Variants in TNR observed in about 807,000 individuals in gnomAD.
The protein encoded by TNR is tenascin-R.
A neutral mutation model predicts 150.4 loss-of-function variants in TNR; 45 were observed. The observed-to-expected ratio is 0.30, with a 90% confidence interval of 0.24 to 0.38. The LOEUF (loss-of-function observed/expected upper bound fraction) is 0.38. TNR is among the 10% of genes least tolerant of loss of function. The pLI, the probability that TNR is intolerant of heterozygous loss-of-function variation, is 1.00. For missense variants in TNR, 1,544 were observed against 1,759.1 expected, an observed-to-expected ratio of 0.88 and a Z score of 2.19; for synonymous variants, 687 against 678.4, an observed-to-expected ratio of 1.01 and a Z score of -0.20.
At chr1:175,587,360 T>C (rs555499418) in intron 1 of TNR, among the ~76,000 whole-genome samples, 2 of 152,222 alleles carry the variant, frequency 1.3e-5, no homozygotes, top group Non-Finnish European at 1.5e-5. Flanking sequence ...GCCACTCGCA[T>C]AGCTGAGTAA....
intron 1 of TNR, among the ~76,000 whole-genome samples, chr1:175,633,964 T>C (rs1211120782): frequency 6.6e-6 from 1 of 152,034 alleles, no homozygotes; most frequent in Non-Finnish European, 1.5e-5. Flanking sequence ...TAGACTTCCC[T>C]GACTTTGCTT....
At chr1:175,647,727 C>T (rs1664849590) in intron 1 of TNR, among the ~76,000 whole-genome samples, 1 of 152,194 alleles carries the variant, frequency 6.6e-6, no homozygotes, top group Non-Finnish European at 1.5e-5. Flanking sequence ...GCATTCTTGA[C>T]AGTGGGGCCT....
At chr1:175,558,585 G>A (rs1022426661) in intron 1 of TNR, among the ~76,000 whole-genome samples, 7 of 152,130 alleles carry the variant, frequency 4.6e-5, no homozygotes, top group Non-Finnish European at 1.0e-4. Context: ...TTGTTAGAAT[G>A]TTCCTCCTTA....
chr1:175,444,063 A>C (rs1655917858), intron 2 of TNR, among the ~76,000 whole-genome samples: 3 of 152,180 alleles, frequency 2.0e-5, no homozygotes, highest in Admixed American at 6.5e-5. Flanking sequence ...CATTAAATCT[A>C]GATCTCCTGG....
At chr1:175,544,714 A>T (rs1326046452) in intron 1 of TNR, among the ~76,000 whole-genome samples, 4 of 152,228 alleles carry the variant, frequency 2.6e-5, no homozygotes, top group African/African-American at 9.6e-5. Flanking sequence ...GTTGAACATG[A>T]CAACCTGGTG....
chr1:175,370,589 C>T (rs1652059333), intron 9 of TNR, among the ~76,000 whole-genome samples: 2 of 152,002 alleles, frequency 1.3e-5, no homozygotes, highest in Admixed American at 1.3e-4. Flanking sequence ...CCCCCTGATC[C>T]ATTTGAAGCA....
intron 1 of TNR, among the ~76,000 whole-genome samples, chr1:175,714,466 A>C (rs1667098527): frequency 6.6e-6 from 1 of 152,174 alleles, no homozygotes; most frequent in African/African-American, 2.4e-5. Flanking sequence ...CCCTCACCCC[A>C]GCTGGCACTG....
chr1:175,607,335 G>A (rs1334261954), intron 1 of TNR, among the ~76,000 whole-genome samples: 1 of 152,138 alleles, frequency 6.6e-6, no homozygotes, highest in African/African-American at 2.4e-5. Context: ...TGGAATCCCT[G>A]GCACTACAGT....
At chr1:175,340,490 T>C (rs1455779063) in intron 18 of TNR, among the ~76,000 whole-genome samples, 1 of 152,238 alleles carries the variant, frequency 6.6e-6, no homozygotes, top group Admixed American at 6.5e-5. Context: ...TGCTTCAGCC[T>C]GCAACTCTAG....
At chr1:175,419,318 C>T (rs144892009) in intron 2 of TNR, among the ~76,000 whole-genome samples, 22 of 152,140 alleles carry the variant, frequency 1.4e-4, no homozygotes, top group African/African-American at 5.3e-4. Flanking sequence ...AAGAATTGAC[C>T]ATTTAGCTAC....
rs555643917 is a variant in TNR at position 175,364,229 on chromosome 1, T to C, written c.2588-402A>G. Among the ~76,000 whole-genome samples, 15 of 152,326 alleles carry C rather than the reference T, an allele frequency of 9.8e-5. No homozygotes were observed. In the East Asian group the frequency reaches 2.9e-3, roughly 29 times the overall value. Reference sequence around the variant, plus strand: ...TATTCTTTAGCAGCCACCTTTGGTTTCAGTTTTGAAAAACTGCCTATTGAC... The same window carrying C: ...TATTCTTTAGCAGCCACCTTTGGTTCCAGTTTTGAAAAACTGCCTATTGAC... On this transcript the variant is annotated intron_variant, in intron 12 of 22. Coordinates refer to ENST00000367674, the MANE Select transcript of TNR (RefSeq NM_003285.3).
chr1:175,582,381 C>A (rs543014555), intron 1 of TNR, among the ~76,000 whole-genome samples: 2 of 152,304 alleles, frequency 1.3e-5, no homozygotes, highest in Non-Finnish European at 2.9e-5. Context: ...CTGAAGGACT[C>A]AAGCATAGAA....
At chr1:175,483,421 CAT>C (rs1657884724) in intron 2 of TNR, among the ~76,000 whole-genome samples, 1 of 152,180 alleles carries the variant, frequency 6.6e-6, no homozygotes, top group South Asian at 2.1e-4. Context: ...GGACAGGAAA[CAT>C]GTCCCAGCAA....
intron 1 of TNR, among the ~76,000 whole-genome samples, chr1:175,580,528 A>C (rs1302960639): frequency 6.6e-6 from 1 of 152,250 alleles, no homozygotes; most frequent in South Asian, 2.1e-4. Context: ...AACGAGCCAC[A>C]CAAGAATAGC....
chr1:175,529,670 G>A (rs1358597875), intron 1 of TNR, among the ~76,000 whole-genome samples: 1 of 152,184 alleles, frequency 6.6e-6, no homozygotes, highest in Non-Finnish European at 1.5e-5. Context: ...GATGGTAGCT[G>A]CCCACAGATT....
intron 1 of TNR, among the ~76,000 whole-genome samples, chr1:175,567,843 A>T (rs1213369418): frequency 6.6e-6 from 1 of 152,184 alleles, no homozygotes; most frequent in Non-Finnish European, 1.5e-5. Flanking sequence ...GACGTTCTTA[A>T]TGAGCTTCTG....
chr1:175,639,838 C>G (rs1021498519), intron 1 of TNR, among the ~76,000 whole-genome samples: 1 of 152,178 alleles, frequency 6.6e-6, no homozygotes, highest in African/African-American at 2.4e-5. Context: ...TCATATAGTT[C>G]TCTTTTTTCA....
At chr1:175,609,732 G>A (rs1395381926) in intron 1 of TNR, among the ~76,000 whole-genome samples, 1 of 152,212 alleles carries the variant, frequency 6.6e-6, no homozygotes, top group African/African-American at 2.4e-5. Flanking sequence ...GTTACAATAA[G>A]AAGTAATTGT....
intron 1 of TNR, among the ~76,000 whole-genome samples, chr1:175,643,201 C>T (rs1409998457): frequency 6.6e-6 from 1 of 152,190 alleles, no homozygotes; most frequent in Non-Finnish European, 1.5e-5. Context: ...ATGTTGGTCC[C>T]TCACACCCAA....
Sources: allele counts gnomAD v4.1 joint callset (sites outside exome capture counted in the v4.1 genomes callset), GRCh38; gene constraint gnomAD v4.1.1; transcripts MANE v1.5; gene names NCBI Gene and HGNC (gene_info 2026-07-23, HGNC 2026-07-21).